Variants in MFSD6 observed in about 807,000 individuals in gnomAD.
MFSD6 encodes major facilitator superfamily domain-containing protein 6.
Under a neutral mutation model 56.3 loss-of-function variants are expected in MFSD6, and 26 were observed. The observed-to-expected ratio is 0.46, with a 90% confidence interval of 0.34 to 0.64. The LOEUF (loss-of-function observed/expected upper bound fraction) is 0.64, where lower values mean the gene tolerates loss of function less well. Among genes scored for constraint, MFSD6 ranks in the 30% least tolerant of loss-of-function variants. The pLI is 0.01. For missense variants in MFSD6, 750 were observed against 986.2 expected, an observed-to-expected ratio of 0.76 and a Z score of 3.21; for synonymous variants, 331 against 366.9, an observed-to-expected ratio of 0.90 and a Z score of 1.12.
At chr2:190,430,271 C>G (rs1363604184) in intron 2 of MFSD6, among the ~76,000 whole-genome samples, 1 of 147,104 alleles carries the variant, frequency 6.8e-6, no homozygotes, top group Non-Finnish European at 1.5e-5. Flanking sequence ...TTGGCAGGGT[C>G]ATAGGATAGT....
In MFSD6 at chr2:190,436,241, C is replaced by G. The variant is rs766306873; in HGVS notation, c.212C>G (p.Ser71Cys). ...AAGATAAACAACGATCTTCTAATTT[C>G]CAAGGTCTTTTATTTTTTCTTTTAC... Reference protein sequence around the residue: ...CVKINNDLLISKVFYFFFYSA... With the variant: ...CVKINNDLLICKVFYFFFYSA... Residue 71 changes from serine (S) to cysteine (C), a missense_variant, in exon 3 of 8, where the codon TCC becomes TGC. Physicochemically the swap from Ser to Cys is moderately radical, Grantham distance 112. Coordinates refer to ENST00000392328, the MANE Select transcript of MFSD6 (RefSeq NM_017694.4). This position sits in a 1 kb window ranked among gnomAD's most constrained non-coding sequence, Gnocchi z 5.3. 1 of 1,614,024 alleles carries G rather than the reference C, an allele frequency of 6.2e-7. No homozygotes were observed. Among genetic ancestry groups the G allele is most frequent in the Admixed American group, 1.7e-5 (1 of 59,986 alleles).
chr2:190,499,951 A>G lies in MFSD6; in HGVS notation c.2173-64A>G, dbSNP rs1689939985. The G allele has an allele frequency of 5.0e-6, 8 of 1,603,932 alleles. No individual in the cohort carries two copies. The highest frequency in any genetic ancestry group is 2.2e-5 in the South Asian group (2 of 90,264). ...TGTTTCCTGTCTTACTTGAAAGCAT[A>G]TATAAAAAGTTGGATTTATTTGCTA... is the stretch of plus-strand genomic sequence containing the variant. On this transcript the variant is annotated intron_variant, in intron 7 of 7. Transcript: ENST00000392328. The surrounding 1 kb of genome is among the most constrained non-coding windows in gnomAD (Gnocchi z 6.0).
chr2:190,466,407 C>A (rs79784511), intron 3 of MFSD6, among the ~76,000 whole-genome samples: 22,286 of 152,200 alleles, frequency 0.15, 1,846 homozygotes, highest in Middle Eastern at 0.22. Flanking sequence ...CAAATGCTGT[C>A]TTTCTTTCTG....
intron 3 of MFSD6, among the ~76,000 whole-genome samples, chr2:190,455,557 C>A (rs917140613): frequency 5.9e-5 from 9 of 152,104 alleles, no homozygotes; most frequent in African/African-American, 2.2e-4. Flanking sequence ...CCTTTCAGGG[C>A]CTTGGTTTCA....
chr2:190,468,249 G>C (rs1687709326), intron 3 of MFSD6, among the ~76,000 whole-genome samples: 1 of 152,120 alleles, frequency 6.6e-6, no homozygotes, highest in Non-Finnish European at 1.5e-5. Context: ...AGATGACCCA[G>C]ACTTTTTGTA....
chr2:190,449,771 A>C (rs2125084001), intron 3 of MFSD6, among the ~76,000 whole-genome samples: 1 of 152,124 alleles, frequency 6.6e-6, no homozygotes, highest in East Asian at 1.9e-4. Flanking sequence ...AGAACAAAAA[A>C]CCAAACACCG....
In MFSD6 at chr2:190,429,227, C is replaced by CGTGT. The variant is rs34375122; in HGVS notation, c.-53-6731_-53-6728dup. ...ATATATCTGTATAATTCTTTTGTTA[C>CGTGT]GTGTGTGTGTGTGTGTGTGTGTATA... is the stretch of plus-strand genomic sequence containing the variant. On this transcript the variant is annotated intron_variant, in intron 2 of 7. Coordinates refer to ENST00000392328, the MANE Select transcript of MFSD6 (RefSeq NM_017694.4). 4.6e-3 allele frequency among the ~76,000 whole-genome samples: 680 copies of CGTGT among 148,890 alleles called. 7 individuals carry two copies. Among genetic ancestry groups the CGTGT allele is most frequent in the Admixed American group, 7.7e-3 (115 of 14,874 alleles).
At position 190,495,388 on chromosome 2, in the gene MFSD6, G is replaced by A. The variant is rs970651204; in HGVS notation, c.1892-2051G>A. ...GGAAACATATCCCATGCTCATGGAT[G>A]GGTAGAATCAATATTGTGAAAATGA... On this transcript the variant is annotated intron_variant, in intron 6 of 7. Coordinates refer to ENST00000392328, the MANE Select transcript of MFSD6 (RefSeq NM_017694.4). This position sits in a 1 kb window ranked among gnomAD's most constrained non-coding sequence, Gnocchi z 4.7. Among the ~76,000 whole-genome samples, 3 of 152,108 alleles carry A rather than the reference G, an allele frequency of 2.0e-5. No homozygotes were observed. Among genetic ancestry groups the A allele is most frequent in the African/African-American group, 7.2e-5 (3 of 41,436 alleles).
Position 190,487,956 on chromosome 2 carries a change from G to A in MFSD6, c.1631-701G>A, listed in dbSNP as rs560176446. Among the ~76,000 whole-genome samples, 1 of 152,242 alleles carries A rather than the reference G, an allele frequency of 6.6e-6. No individual in the cohort carries two copies. Among genetic ancestry groups the A allele is most frequent in the South Asian group, 2.1e-4 (1 of 4,822 alleles). On this transcript the variant is annotated intron_variant, in intron 4 of 7. Coordinates refer to ENST00000392328, the MANE Select transcript of MFSD6 (RefSeq NM_017694.4). The surrounding 1 kb of genome is among the most constrained non-coding windows in gnomAD (Gnocchi z 5.5). ...TTGCTCTGTTGCCAGGCTGGGGAGT[G>A]CAGTGGCGTGATCTTGGCTCACTGC...
intron 2 of MFSD6, among the ~76,000 whole-genome samples, chr2:190,429,764 G>C (rs1398028589): frequency 6.6e-6 from 1 of 151,080 alleles, no homozygotes; most frequent in Non-Finnish European, 1.5e-5. Flanking sequence ...TTTAATCTTT[G>C]ACTTTTAAAC....
chr2:190,463,757 C>A lies in MFSD6; in HGVS notation c.1533-6001C>A. On this transcript the variant is annotated intron_variant, in intron 3 of 7. Transcript: ENST00000392328. The surrounding 1 kb of genome is among the most constrained non-coding windows in gnomAD (Gnocchi z 4.4). ...ATCACCTGGGCTCTGGTGGTCAAGGCTGCATTGAGCTGTGATGACGCTACT... is the reference window on the plus strand; with the variant it reads ...ATCACCTGGGCTCTGGTGGTCAAGGATGCATTGAGCTGTGATGACGCTACT... 1 of 456,418 alleles carries A rather than the reference C, an allele frequency of 2.2e-6. No individual in the cohort carries two copies. Among genetic ancestry groups the A allele is most frequent in the Non-Finnish European group, 2.9e-6 (1 of 346,504 alleles). 28.3% of individuals were successfully genotyped at this position (456,418 alleles called of 1,614,324 possible).
intron 4 of MFSD6, among the ~76,000 whole-genome samples, chr2:190,472,531 T>C (rs1300826829): frequency 1.3e-5 from 2 of 151,992 alleles, no homozygotes; most frequent in African/African-American, 4.8e-5. Context: ...AAAAGAAGTT[T>C]AGAGAAAAAA....
chr2:190,454,993 TA>T lies in MFSD6; in HGVS notation c.1533-14764del, dbSNP rs1686949790. Among the ~76,000 whole-genome samples, 5 of 83,848 alleles carry T rather than the reference TA, an allele frequency of 6.0e-5. No homozygotes were observed. Among genetic ancestry groups the T allele is most frequent in the East Asian group, 5.7e-4 (2 of 3,534 alleles). The allele number at this position is 83,848 out of a possible 152,430, so 55.0% of individuals were successfully genotyped here. On this transcript the variant is annotated intron_variant, in intron 3 of 7. Transcript: ENST00000392328. The surrounding 1 kb of genome is among the most constrained non-coding windows in gnomAD (Gnocchi z 4.6). The stretch of plus-strand genomic sequence containing the variant: ...ATATGTATATGTATATGTATATGTA[TA>T]TGTATAATGTATATGTATATGTATA...
chr2:190,441,359 T>C (rs920787796), intron 3 of MFSD6, among the ~76,000 whole-genome samples: 1 of 151,738 alleles, frequency 6.6e-6, no homozygotes, highest in Admixed American at 6.6e-5. Context: ...TTTCTAGGGG[T>C]GTACCGAGGC....
intron 4 of MFSD6, among the ~76,000 whole-genome samples, chr2:190,480,571 C>T (rs1351317549): frequency 6.6e-6 from 1 of 152,206 alleles, no homozygotes; most frequent in African/African-American, 2.4e-5. Context: ...TTAATTAGTA[C>T]TTATACCCTC....
Position 190,497,536 on chromosome 2 carries a change from AC to A in MFSD6, c.1990del (p.Arg664AlafsTer20), listed in dbSNP as rs757251101. On this transcript the variant is annotated frameshift_variant, in exon 7 of 8. Coordinates refer to ENST00000392328, the MANE Select transcript of MFSD6 (RefSeq NM_017694.4). LOFTEE classifies it high-confidence loss of function. This position sits in a 1 kb window ranked among gnomAD's most constrained non-coding sequence, Gnocchi z 5.2. Reference sequence around the variant, plus strand: ...AGCAACAGACAGAAGATGTCATGCCACGCATTGAGCCCAGACTTCCACCCAA... The same window carrying A: ...AGCAACAGACAGAAGATGTCATGCCAGCATTGAGCCCAGACTTCCACCCAA... ...VQQQTEDVMP[R>X]IEPRLPPKKT... 8.1e-6 allele frequency: 13 copies of A among 1,614,228 alleles called. No homozygotes were observed. The highest frequency in any genetic ancestry group is 1.1e-5 in the Non-Finnish European group (13 of 1,180,032).
chr2:190,437,140 G>A lies in MFSD6; in HGVS notation c.1111G>A (p.Val371Ile), dbSNP rs1277715779. The change falls in exon 3 of 8, where the codon GTC becomes ATC. Residue 371 changes from valine (V) to isoleucine (I), a missense_variant. Around this residue, in one of 5 missense-constraint regions of MFSD6, gnomAD observed 376 missense variants for 437.9 expected, o/e 0.86. Coordinates refer to ENST00000392328, the MANE Select transcript of MFSD6 (RefSeq NM_017694.4). This position sits in a 1 kb window ranked among gnomAD's most constrained non-coding sequence, Gnocchi z 5.9. ...CCCCGAGTACAGGAATTACCAGATC[G>A]TCTTCATCGTCTTCGGCGTTCTCAT... The part of the protein sequence containing the change: ...KPPEYRNYQI[V>I]FIVFGVLMTM... 3.1e-6 allele frequency: 5 copies of A among 1,614,130 alleles called. No individual in the cohort carries two copies. The highest frequency in any genetic ancestry group is 1.3e-5 in the African/African-American group (1 of 74,938).
intron 6 of MFSD6, among the ~76,000 whole-genome samples, chr2:190,493,441 G>A (rs12472240): frequency 0.3 from 45,657 of 151,932 alleles, 7,628 homozygotes; most frequent in East Asian, 0.46. Context: ...AGTGGGAGAC[G>A]TCAGTACTCC....
At position 190,469,960 on chromosome 2, in the gene MFSD6, A is replaced by G; in HGVS notation, c.1630+105A>G. The G allele has an allele frequency of 1.3e-6, 1 of 746,404 alleles. No individual in the cohort carries two copies. The highest frequency in any genetic ancestry group is 2.2e-6 in the Non-Finnish European group (1 of 454,322). The allele number at this position is 746,404 out of a possible 1,614,324, so 46.2% of individuals were successfully genotyped here. ...GATTCTATAAAGGAAGGGCAGGCCT[A>G]CTGTTTCATGTGATTTTGAAGTGGT... On this transcript the variant is annotated intron_variant, in intron 4 of 7. Coordinates refer to ENST00000392328, the MANE Select transcript of MFSD6 (RefSeq NM_017694.4). This position sits in a 1 kb window ranked among gnomAD's most constrained non-coding sequence, Gnocchi z 5.3.
Sources: gnomAD v4.1 joint callset for allele counts (sites outside exome capture counted in the v4.1 genomes callset) on GRCh38, gnomAD v4.1.1 for gene constraint, gnomAD v4.1.1 regional missense constraint, Gnocchi (gnomAD v3.1) non-coding constraint, MANE v1.5 for transcripts, NCBI Gene and HGNC (gene_info 2026-07-23, HGNC 2026-07-21) for gene names.